SRGAP1: variants seen among roughly 807,000 people sequenced by gnomAD.
SRGAP1 encodes the protein SLIT-ROBO Rho GTPase-activating protein 1.
Under a neutral mutation model 121.9 loss-of-function variants are expected in SRGAP1, and 43 were observed. The observed-to-expected ratio is 0.35, with a 90% CI of 0.28 to 0.46. The LOEUF is 0.46. SRGAP1 is among the 20% of genes least tolerant of loss of function. SRGAP1 has a pLI of 1.00. For synonymous variants in SRGAP1, 447 were observed against 485.4 expected, an observed-to-expected ratio of 0.92 and a Z score of 1.04; for missense variants, 1,102 against 1,350.9, an observed-to-expected ratio of 0.82 and a Z score of 2.89.
chr12:63,998,688 CAA>C (rs1209156882), intron 3 of SRGAP1, among the ~76,000 whole-genome samples: 8 of 152,118 alleles, frequency 5.3e-5, no homozygotes, highest in African/African-American at 1.2e-4. Context: ...AAAAATTACT[CAA>C]GAACTGTCAC....
chr12:63,990,196 G>C, intron 3 of SRGAP1, 124 bp downstream of exon 3: 1 of 771,144 alleles, frequency 1.3e-6, no homozygotes, highest in South Asian at 2.1e-5. Context: ...AGAATAAACA[G>C]TTAAAAATTA....
chr12:63,978,376 C>T (rs771739506), intron 1 of SRGAP1, among the ~76,000 whole-genome samples: 1 of 152,142 alleles, frequency 6.6e-6, no homozygotes. Flanking sequence ...TTTCCCCAAC[C>T]CTCCCAACTC....
chr12:64,138,315 G>A (rs1262432997), intron 21 of SRGAP1, among the ~76,000 whole-genome samples: 1 of 151,936 alleles, frequency 6.6e-6, no homozygotes, highest in African/African-American at 2.4e-5. Context: ...TTTAAGGGAA[G>A]TTTTCATAAT....
At chr12:63,932,205 C>T (rs1313119668) in intron 1 of SRGAP1, among the ~76,000 whole-genome samples, 13 of 152,108 alleles carry the variant, frequency 8.5e-5, no homozygotes, top group African/African-American at 2.7e-4. Context: ...GCCGTGAACC[C>T]GGGAGGCAGA....
chr12:64,102,026 C>T (rs1345191403), intron 15 of SRGAP1, among the ~76,000 whole-genome samples: 1 of 152,210 alleles, frequency 6.6e-6, no homozygotes, highest in African/African-American at 2.4e-5. Context: ...AAGAGAATCA[C>T]TGGCATGTAC....
chr12:64,078,264 TA>T (rs940541735), intron 8 of SRGAP1, among the ~76,000 whole-genome samples: 1 of 151,992 alleles, frequency 6.6e-6, no homozygotes, highest in Non-Finnish European at 1.5e-5. Context: ...AGCCCACAAC[TA>T]AAAAAAATCA....
intron 18 of SRGAP1, among the ~76,000 whole-genome samples, chr12:64,119,273 G>A (rs1488065377): frequency 2.0e-5 from 3 of 152,048 alleles, no homozygotes; most frequent in Non-Finnish European, 4.4e-5. Context: ...CTATATCACT[G>A]TCCTAGTTTT....
intron 1 of SRGAP1, among the ~76,000 whole-genome samples, chr12:63,953,739 T>G (rs2032371523): frequency 6.6e-6 from 1 of 151,998 alleles, no homozygotes; most frequent in Admixed American, 6.6e-5. Flanking sequence ...GAGTATGAAG[T>G]ATAAGGTTAA....
chr12:63,903,686 G>A (rs2030052028), intron 1 of SRGAP1, among the ~76,000 whole-genome samples: 1 of 152,180 alleles, frequency 6.6e-6, no homozygotes, highest in African/African-American at 2.4e-5. Flanking sequence ...CCAGGCTGGA[G>A]TGCAGTGGTG....
chr12:63,969,881 C>T (rs1414447693), intron 1 of SRGAP1, among the ~76,000 whole-genome samples: 6 of 152,092 alleles, frequency 3.9e-5, no homozygotes, highest in Non-Finnish European at 8.8e-5. Context: ...CACTAGAGCC[C>T]ATGTTTCCAT....
chr12:64,103,617 A>T (rs2036294215), intron 15 of SRGAP1, among the ~76,000 whole-genome samples: 1 of 152,180 alleles, frequency 6.6e-6, no homozygotes, highest in Non-Finnish European at 1.5e-5. Context: ...TTCTCTCTGA[A>T]TTCTAAATTT....
chr12:64,123,081 A>G (rs2036628466), intron 18 of SRGAP1, among the ~76,000 whole-genome samples: 1 of 152,254 alleles, frequency 6.6e-6, no homozygotes, highest in African/African-American at 2.4e-5. Context: ...ACATAAGTAT[A>G]TGTAGACTGT....
intron 1 of SRGAP1, among the ~76,000 whole-genome samples, chr12:63,862,977 G>A (rs1258481245): frequency 2.0e-5 from 3 of 152,142 alleles, no homozygotes; most frequent in Non-Finnish European, 4.4e-5. Flanking sequence ...CACCTTTTTA[G>A]AAACTTGCAC....
rs2033138061 is a variant in SRGAP1 at position 63,977,994 on chromosome 12, A to G, written c.68-5953A>G. 3.9e-5 allele frequency among the ~76,000 whole-genome samples: 6 copies of G among 152,258 alleles called. 1 individual carries two copies. The Middle Eastern group carries it at 0.017, about 432-fold the overall frequency. The stretch of plus-strand genomic sequence containing the variant: ...GGTGAAAAGTCTTTCCTAATATTCT[A>G]TTAGGTAAATCTTTTCTATGCCATT... On this transcript the variant is annotated intron_variant, in intron 1 of 21. Transcript: ENST00000355086.
At chr12:64,067,204 G>A (rs994101818) in intron 8 of SRGAP1, among the ~76,000 whole-genome samples, 4 of 152,136 alleles carry the variant, frequency 2.6e-5, no homozygotes, top group African/African-American at 7.2e-5. Context: ...CTTAATGTAT[G>A]CCTTTTTAGG....
At chr12:63,906,220 C>G (rs1285126203) in intron 1 of SRGAP1, among the ~76,000 whole-genome samples, 1 of 152,108 alleles carries the variant, frequency 6.6e-6, no homozygotes, top group East Asian at 1.9e-4. Context: ...TAGTTCATTT[C>G]TTTTAATTGC....
chr12:64,011,814 T>C (rs979566819), intron 3 of SRGAP1, among the ~76,000 whole-genome samples: 2 of 152,034 alleles, frequency 1.3e-5, no homozygotes, highest in African/African-American at 4.8e-5. Context: ...CTTGAAGAAA[T>C]ACATCAAATC....
chr12:64,142,773 A>C lies in SRGAP1; in HGVS notation c.*101A>C. The C allele has an allele frequency of 6.8e-7, 1 of 1,468,446 alleles. No homozygotes were observed. The highest frequency in any genetic ancestry group is 2.4e-5 in the Admixed American group (1 of 42,084). 91.0% of individuals were successfully genotyped at this position (1,468,446 alleles called of 1,614,324 possible). A position where few individuals can be genotyped will look rare whatever the true frequency, so the allele number is the denominator to read the frequency against. ...TAACTTTCCTTAGTTTTGTGCTTAT[A>C]ACTGGAGATCTTTTGGCTTTTCTAT... On this transcript the variant is annotated 3_prime_UTR_variant, in exon 22 of 22. Transcript: ENST00000355086.
At chr12:64,012,551 CTTTTTT>C (rs386376760) in intron 3 of SRGAP1, among the ~76,000 whole-genome samples, 2 of 77,664 alleles carry the variant, frequency 2.6e-5, no homozygotes, top group African/African-American at 5.8e-5. Flanking sequence ...AAGTTATTAT[CTTTTTT>C]TTTTTTTTTT....
Sources: allele counts gnomAD v4.1 joint callset (sites outside exome capture counted in the v4.1 genomes callset), GRCh38; gene constraint gnomAD v4.1.1; transcripts MANE v1.5; gene names NCBI Gene and HGNC (gene_info 2026-07-23, HGNC 2026-07-21).